Variants in IMPA2 observed in about 807,000 individuals in gnomAD.
IMPA2 encodes the protein inositol monophosphatase 2, also known as IMP 2.
Under a neutral mutation model 35.1 loss-of-function variants are expected in IMPA2, and 32 were observed. The ratio of observed to expected loss-of-function variants is 0.91; its 90% CI spans 0.69 to 1.23. IMPA2 has a LOEUF of 1.23. Among genes scored for constraint, IMPA2 ranks in the 50% most tolerant of loss-of-function variants. The pLI, the probability that IMPA2 is intolerant of heterozygous loss-of-function variation, is 0.00. For missense variants in IMPA2, 334 were observed against 387.6 expected, an observed-to-expected ratio of 0.86 and a Z score of 1.16; for synonymous variants, 135 against 160.6, an observed-to-expected ratio of 0.84 and a Z score of 1.20.
chr18:12,030,682 T>G lies in IMPA2; in HGVS notation c.*224T>G, dbSNP rs1908025298. On this transcript the variant is annotated 3_prime_UTR_variant, in exon 8 of 8. Coordinates refer to ENST00000269159, the MANE Select transcript of IMPA2 (RefSeq NM_014214.3). ...TCTCTCTTTAATCTCACGTAGCCTT[T>G]TTCAGGTTAGTACGTGTTCTTCTGT... The G allele has an allele frequency of 3.7e-6, 2 of 544,352 alleles. No individual in the cohort carries two copies. Among genetic ancestry groups the G allele is most frequent in the Admixed American group, 3.3e-5 (1 of 30,092 alleles). 33.7% of individuals were successfully genotyped at this position (544,352 alleles called of 1,614,324 possible).
chr18:12,027,853 A>T (rs1227564468), intron 5 of IMPA2, among the ~76,000 whole-genome samples, 190 bp from the exon 6 acceptor site: 1 of 151,672 alleles, frequency 6.6e-6, no homozygotes, highest in Non-Finnish European at 1.5e-5. Flanking sequence ...AAGTGCTGGC[A>T]TTACAGGCAC....
In IMPA2 at chr18:11,991,098, T is replaced by A. The variant is rs921367528; in HGVS notation, c.97-7956T>A. 6.6e-6 allele frequency among the ~76,000 whole-genome samples: 1 copy of A among 152,092 alleles called. No individual in the cohort carries two copies. Among genetic ancestry groups the A allele is most frequent in the African/African-American group, 2.4e-5 (1 of 41,404 alleles). ...TCCGAGGGCTTGCAAACACCCACTT[T>A]CAAGGAATAGTGGGAGGGAGATGAG... is the stretch of plus-strand genomic sequence containing the variant. On this transcript the variant is annotated intron_variant, in intron 1 of 7. Transcript: ENST00000269159. This position sits in a 1 kb window ranked among gnomAD's most constrained non-coding sequence, Gnocchi z 4.1.
intron 5 of IMPA2, among the ~76,000 whole-genome samples, chr18:12,026,282 C>T (rs1411959093): frequency 5.9e-5 from 9 of 152,218 alleles, no homozygotes; most frequent in Admixed American, 2.0e-4. Context: ...ATCTGCCCGC[C>T]TCAGCCTCCC....
At chr18:11,994,561 G>T (rs114397139) in intron 1 of IMPA2, among the ~76,000 whole-genome samples, 260 of 152,346 alleles carry the variant, frequency 1.7e-3, no homozygotes, top group African/African-American at 5.8e-3. Context: ...TGTATGTTTT[G>T]AATGTGGAAA....
At chr18:12,018,776 A>G (rs1161776472) in intron 5 of IMPA2, among the ~76,000 whole-genome samples, 2 of 152,140 alleles carry the variant, frequency 1.3e-5, no homozygotes, top group Non-Finnish European at 2.9e-5. Context: ...AGATTCTCAT[A>G]TCTGCTTCTG....
intron 2 of IMPA2, among the ~76,000 whole-genome samples, chr18:12,003,676 A>AG (rs1568031465): frequency 1.3e-4 from 10 of 78,918 alleles, no homozygotes; most frequent in East Asian, 4.0e-4. Flanking sequence ...AAAAGGAAAA[A>AG]AAAAAAAAAA....
chr18:12,025,754 A>G (rs1313011262), intron 5 of IMPA2, among the ~76,000 whole-genome samples: 2 of 151,722 alleles, frequency 1.3e-5, no homozygotes, highest in African/African-American at 2.4e-5. Context: ...TAATTTTTGT[A>G]TTTTTAATAG....
chr18:11,985,017 G>C (rs1418427491), intron 1 of IMPA2, among the ~76,000 whole-genome samples: 1 of 148,868 alleles, frequency 6.7e-6, no homozygotes, highest in Non-Finnish European at 1.5e-5. Flanking sequence ...GGTGGCACAC[G>C]CCTGTAATCC....
At chr18:12,000,398 A>C (rs1241952499) in intron 2 of IMPA2, among the ~76,000 whole-genome samples, 1 of 138,274 alleles carries the variant, frequency 7.2e-6, no homozygotes, top group Non-Finnish European at 1.5e-5. Context: ...AGTGTTAAAC[A>C]CTTACCTTCT....
At chr18:11,996,474 C>G (rs1355947280) in intron 1 of IMPA2, among the ~76,000 whole-genome samples, 1 of 152,176 alleles carries the variant, frequency 6.6e-6, no homozygotes, top group Non-Finnish European at 1.5e-5. Flanking sequence ...TGGCTGCTCC[C>G]CATGTGGGGA....
At position 12,028,866 on chromosome 18, in the gene IMPA2, A is replaced by G. The variant is rs1435999501; in HGVS notation, c.624A>G (p.Thr208=). ...GGGTCCGAGTGATTGGAAGCTCCAC[A>G]TTGGCACTCTGCCACCTGGCCTCAG... The part of the protein sequence containing the change: ...AHGVRVIGSS[T]LALCHLASGA... The change falls in exon 7 of 8, where the codon ACA becomes ACG. Residue 208 remains threonine, a synonymous_variant. Coordinates refer to ENST00000269159, the MANE Select transcript of IMPA2 (RefSeq NM_014214.3). 5.0e-6 allele frequency: 8 copies of G among 1,614,092 alleles called. No individual in the cohort carries two copies. Among genetic ancestry groups the G allele is most frequent in the Non-Finnish European group, 5.9e-6 (7 of 1,180,008 alleles).
At chr18:12,029,061 TC>T (rs1907967171) in intron 7 of IMPA2, 68 bp downstream of exon 7, 1 of 1,365,308 alleles carries the variant, frequency 7.3e-7, no homozygotes, top group Non-Finnish European at 1.0e-6. Flanking sequence ...GTGGGGCACT[TC>T]CTGAAGTCCC....
At chr18:11,986,142 G>A (rs62099887) in intron 1 of IMPA2, among the ~76,000 whole-genome samples, 9,101 of 152,236 alleles carry the variant, frequency 0.06, 363 homozygotes, top group Non-Finnish European at 0.088. Flanking sequence ...CCTCAGGACC[G>A]CAGACTTCCC....
At chr18:12,000,828 G>T (rs1328387325) in intron 2 of IMPA2, among the ~76,000 whole-genome samples, 7 of 150,806 alleles carry the variant, frequency 4.6e-5, no homozygotes. Context: ...TGTTAGTCAG[G>T]ATGGTCTCGA....
chr18:12,028,375 A>G (rs1327355060), intron 6 of IMPA2: 4 of 552,542 alleles, frequency 7.2e-6, no homozygotes, highest in Non-Finnish European at 1.3e-5. Context: ...GCTTCTGATC[A>G]GAATCCATGG....
At chr18:12,029,079 C>T in intron 7 of IMPA2, 86 bp downstream of exon 7, 6 of 789,514 alleles carry the variant, frequency 7.6e-6, no homozygotes, top group South Asian at 6.4e-5. Context: ...TCCCCACCAA[C>T]TGAATTTCCC....
At chr18:11,995,749 G>C (rs1225845981) in intron 1 of IMPA2, among the ~76,000 whole-genome samples, 1 of 151,162 alleles carries the variant, frequency 6.6e-6, no homozygotes, top group African/African-American at 2.5e-5. Flanking sequence ...CTTTTCAACA[G>C]GGCAACCAGA....
chr18:12,007,103 C>T (rs1159323863), intron 2 of IMPA2, among the ~76,000 whole-genome samples: 2 of 151,664 alleles, frequency 1.3e-5, no homozygotes, highest in Non-Finnish European at 2.9e-5. Context: ...GCACTCCAGC[C>T]TGGGCGACAG....
chr18:12,018,666 C>A (rs9948095), intron 5 of IMPA2, among the ~76,000 whole-genome samples: 128,874 of 152,194 alleles, frequency 0.85, 54,740 homozygotes, highest in African/African-American at 0.89. Flanking sequence ...TTTATGGGAA[C>A]TAATCATATT....
Sources: allele counts gnomAD v4.1 joint callset (sites outside exome capture counted in the v4.1 genomes callset), GRCh38; gene constraint gnomAD v4.1.1; non-coding constraint Gnocchi (gnomAD v3.1); transcripts MANE v1.5; gene names NCBI Gene and HGNC (gene_info 2026-07-23, HGNC 2026-07-21).